Variants in PDE4D observed in about 807,000 individuals in gnomAD.
PDE4D encodes the protein phosphodiesterase 4D, also known as 3',5'-cyclic-AMP phosphodiesterase 4D.
PDE4D carries 24 observed loss-of-function variants against 87.4 expected under a neutral mutation model. The ratio of observed to expected loss-of-function variants is 0.27; its 90% CI spans 0.20 to 0.39. PDE4D has a LOEUF of 0.39. PDE4D is among the 10% of genes least tolerant of loss of function. PDE4D has a pLI of 1.00. For synonymous variants in PDE4D, 384 were observed against 383.2 expected (o/e 1.00, Z -0.02); for missense variants, 714 against 1,041.0 (o/e 0.69, Z 4.32).
chr5:60,155,135 G>A (rs1781852966), intron 2 of PDE4D, among the ~76,000 whole-genome samples: 1 of 152,172 alleles, frequency 6.6e-6, no homozygotes, highest in South Asian at 2.1e-4. Context: ...CTGGGTCATA[G>A]GTTATGCATT....
intron 2 of PDE4D, among the ~76,000 whole-genome samples, chr5:60,050,072 C>T (rs898181935): frequency 3.3e-5 from 5 of 152,146 alleles, no homozygotes; most frequent in Non-Finnish European, 7.4e-5. Context: ...CTCCTGGTGC[C>T]GTTTTTTAAG....
chr5:59,058,935 C>G (rs1286373994), intron 5 of PDE4D, among the ~76,000 whole-genome samples: 1 of 152,182 alleles, frequency 6.6e-6, no homozygotes, highest in African/African-American at 2.4e-5. Context: ...TAAAGCTTCT[C>G]AGGTTAAACT....
chr5:59,427,817 C>CA (rs11356537), intron 1 of PDE4D, among the ~76,000 whole-genome samples: 5,349 of 66,172 alleles, frequency 0.081, 340 homozygotes, highest in African/African-American at 0.17. Flanking sequence ...GACCCTGTCT[C>CA]AAAAAAAAAA....
chr5:59,082,546 C>A (rs949274604), intron 5 of PDE4D, among the ~76,000 whole-genome samples: 3 of 151,526 alleles, frequency 2.0e-5, no homozygotes, highest in Admixed American at 1.3e-4. Context: ...TTTCTATATA[C>A]CAGTTAGAAA....
chr5:60,427,377 G>T (rs1027130113), intron 1 of PDE4D, among the ~76,000 whole-genome samples: 2 of 152,162 alleles, frequency 1.3e-5, no homozygotes, highest in East Asian at 3.8e-4. Flanking sequence ...AAACAGTGGG[G>T]ACTGAAAACC....
Position 60,215,606 on chromosome 5 carries a change from TA to T in PDE4D, c.-89-29920del, listed in dbSNP as rs532738227. On this transcript the variant is annotated intron_variant, in intron 1 of 16. Coordinates refer to the PDE4D transcript ENST00000502484. ...GACAAAATATGATGTATAAAGGACT[TA>T]TTCATGTTAATATGTTTAGGGACGT... 2.2e-3 allele frequency among the ~76,000 whole-genome samples: 341 copies of T among 152,264 alleles called. 3 individuals are homozygous for T. The highest frequency in any genetic ancestry group is 4.4e-4 in the Non-Finnish European group (30 of 68,000).
intron 5 of PDE4D, among the ~76,000 whole-genome samples, chr5:59,090,292 A>T (rs944879782): frequency 5.3e-5 from 8 of 152,166 alleles, no homozygotes; most frequent in African/African-American, 1.9e-4. Context: ...TGTTTCACGC[A>T]TATAAAATTT....
At chr5:59,994,349 T>C (rs910085648) in intron 2 of PDE4D, among the ~76,000 whole-genome samples, 4 of 151,682 alleles carry the variant, frequency 2.6e-5, no homozygotes, top group African/African-American at 9.7e-5. Flanking sequence ...TACACACATA[T>C]ATATATACAT....
At chr5:59,991,085 GAA>G (rs1431804337) in intron 2 of PDE4D, among the ~76,000 whole-genome samples, 2 of 152,068 alleles carry the variant, frequency 1.3e-5, no homozygotes, top group Admixed American at 1.3e-4. Flanking sequence ...ATTTTCATTT[GAA>G]AAATTAAACA....
At position 59,745,092 on chromosome 5, in the gene PDE4D, A is replaced by G. The variant is rs1162560508; in HGVS notation, c.455+148076T>C. ...ATGGTGTCACATAATCCTGCATCTT[A>G]TCAGCTTTCACATCTCATGCTTTCT... is the stretch of plus-strand genomic sequence containing the variant. On this transcript the variant is annotated intron_variant, in intron 1 of 14. Transcript: ENST00000340635. Among the ~76,000 whole-genome samples the G allele has an allele frequency of 3.9e-5, 6 of 152,308 alleles. No homozygotes were observed. The East Asian group carries it at 1.2e-3, about 29-fold the overall frequency.
rs114107228 is a variant in PDE4D at position 59,698,672 on chromosome 5, C to T, written c.455+194496G>A. ...CAAGAACATGAAGAAATGGAATTTG[C>T]GTGACAGTCCCAAAGCAAATCTATT... On this transcript the variant is annotated intron_variant, in intron 1 of 14. Transcript: ENST00000340635. Among the ~76,000 whole-genome samples the T allele has an allele frequency of 2.6e-3, 389 of 152,154 alleles. 4 individuals carry two copies. The highest frequency in any genetic ancestry group is 0.016 in the South Asian group (78 of 4,814).
intron 6 of PDE4D, among the ~76,000 whole-genome samples, chr5:59,032,353 G>T (rs1757710953): frequency 6.6e-6 from 1 of 152,154 alleles, no homozygotes; most frequent in African/African-American, 2.4e-5. Flanking sequence ...AGGCCGAGGA[G>T]GGAGGATCAC....
intron 1 of PDE4D, among the ~76,000 whole-genome samples, chr5:60,279,202 T>C (rs185473527): frequency 1.1e-3 from 172 of 152,294 alleles, no homozygotes; most frequent in Middle Eastern, 3.4e-3. Flanking sequence ...TGGAACACTG[T>C]AATGAGGGTG....
intron 1 of PDE4D, among the ~76,000 whole-genome samples, chr5:60,366,391 A>C (rs577606833): frequency 3.9e-4 from 60 of 152,294 alleles, no homozygotes; most frequent in African/African-American, 1.4e-3. Context: ...GTGTCTTCAA[A>C]GGCTAAAACA....
At chr5:59,120,578 CT>C (rs1055998575) in intron 5 of PDE4D, among the ~76,000 whole-genome samples, 2 of 143,056 alleles carry the variant, frequency 1.4e-5, no homozygotes, top group Non-Finnish European at 3.0e-5. Flanking sequence ...CTCCCTTTCT[CT>C]TTAAAAAAAA....
At chr5:59,401,926 T>C (rs1163547212) in intron 1 of PDE4D, among the ~76,000 whole-genome samples, 6 of 152,182 alleles carry the variant, frequency 3.9e-5, no homozygotes, top group Non-Finnish European at 1.5e-5. Flanking sequence ...TTGAACTAAG[T>C]TCAGGGCTTT....
chr5:59,098,844 T>C (rs927797897), intron 5 of PDE4D, among the ~76,000 whole-genome samples: 3 of 152,290 alleles, frequency 2.0e-5, no homozygotes, highest in African/African-American at 7.2e-5. Flanking sequence ...AACACATGGC[T>C]TCCATTCTCA....
At chr5:60,461,338 G>A (rs1034375571) in intron 1 of PDE4D, among the ~76,000 whole-genome samples, 1 of 152,108 alleles carries the variant, frequency 6.6e-6, no homozygotes, top group African/African-American at 2.4e-5. Context: ...TTACCTCCAG[G>A]ACTATGCGGT....
At chr5:60,135,077 T>C (rs1408227589) in intron 2 of PDE4D, among the ~76,000 whole-genome samples, 1 of 152,216 alleles carries the variant, frequency 6.6e-6, no homozygotes, top group Non-Finnish European at 1.5e-5. Context: ...TCAAAATGTA[T>C]ATTCTAAGAC....
Sources: gnomAD v4.1 joint callset for allele counts (sites outside exome capture counted in the v4.1 genomes callset) on GRCh38, gnomAD v4.1.1 for gene constraint, MANE v1.5 for transcripts, NCBI Gene and HGNC (gene_info 2026-07-23, HGNC 2026-07-21) for gene names.